SKAP1: variants seen among roughly 807,000 people sequenced by gnomAD.
The protein encoded by SKAP1 is src kinase-associated phosphoprotein 1.
Under a neutral mutation model 58.5 loss-of-function variants are expected in SKAP1, and 44 were observed. The observed-to-expected ratio is 0.75, with a 90% CI of 0.59 to 0.97. The LOEUF is 0.97. SKAP1 is among the 50% of genes least tolerant of loss of function. The probability of loss-of-function intolerance (pLI) is 0.00; values close to 1 mark genes in which losing one functional copy is unlikely to be tolerated. For missense variants in SKAP1, 390 were observed against 435.2 expected (o/e 0.90, Z 0.92); for synonymous variants, 127 against 149.7 (o/e 0.85, Z 1.11).
intron 1 of SKAP1, among the ~76,000 whole-genome samples, chr17:48,407,079 A>G (rs2067595649): frequency 6.6e-6 from 1 of 152,194 alleles, no homozygotes; most frequent in Non-Finnish European, 1.5e-5. Context: ...CTACACTTAA[A>G]CATTAAAAAC....
At chr17:48,139,212 C>T (rs1179316889) in intron 11 of SKAP1, among the ~76,000 whole-genome samples, 5 of 145,832 alleles carry the variant, frequency 3.4e-5, no homozygotes, top group Non-Finnish European at 3.0e-5. Context: ...GATGGAGTCT[C>T]GCTCTTTTGC....
intron 1 of SKAP1, among the ~76,000 whole-genome samples, chr17:48,403,686 T>A (rs898533460): frequency 1.3e-5 from 2 of 152,166 alleles, no homozygotes; most frequent in Admixed American, 1.3e-4. Context: ...CCAAGCATAG[T>A]CAAGATGTTG....
intron 3 of SKAP1, 45 bp from the exon 4 acceptor site, chr17:48,346,051 C>A: frequency 8.2e-7 from 1 of 1,214,522 alleles, no homozygotes; most frequent in Non-Finnish European, 1.2e-6. Context: ...CTTTGGGCAT[C>A]CTTATAAAAG....
At chr17:48,239,848 GAC>G (rs1491374135) in intron 4 of SKAP1, among the ~76,000 whole-genome samples, 175 of 115,956 alleles carry the variant, frequency 1.5e-3, no homozygotes, top group South Asian at 4.9e-3. Flanking sequence ...GAGAGAGAGA[GAC>G]AGAGAGAGAG....
At chr17:48,356,947 T>G (rs2066883038) in intron 3 of SKAP1, among the ~76,000 whole-genome samples, 1 of 152,190 alleles carries the variant, frequency 6.6e-6, no homozygotes, top group African/African-American at 2.4e-5. Context: ...ATTACCCTTT[T>G]CATCTAACAA....
chr17:48,413,058 C>CAA (rs34391254), intron 1 of SKAP1, among the ~76,000 whole-genome samples: 77 of 142,212 alleles, frequency 5.4e-4, no homozygotes, highest in Admixed American at 1.1e-3. Context: ...AGCATATAAC[C>CAA]AAAAAAAAAA....
At position 48,286,968 on chromosome 17, in the gene SKAP1, C is replaced by T. The variant is rs113254294; in HGVS notation, c.280+58937G>A. ...AAAATTGGCGGGGCTTGCTGGCGCA[C>T]GCCTGTAATCCCAGCTACTCGGGAG... On this transcript the variant is annotated intron_variant, in intron 4 of 12. Coordinates refer to ENST00000336915, the MANE Select transcript of SKAP1 (RefSeq NM_003726.4). 4.1e-3 allele frequency among the ~76,000 whole-genome samples: 622 copies of T among 152,158 alleles called. 8 individuals are homozygous for T. The highest frequency in any genetic ancestry group is 0.014 in the African/African-American group (596 of 41,516).
rs539949864 is a variant in SKAP1 at position 48,238,933 on chromosome 17, C to T, written c.281-49433G>A. 4.6e-5 allele frequency among the ~76,000 whole-genome samples: 7 copies of T among 152,226 alleles called. No individual in the cohort carries two copies. The East Asian group carries it at 1.3e-3, about 29-fold the overall frequency. ...ATGGTTATAAAGTACTTTTTGAGATCTTCAAATGAAAGATGCCCAGAAAAA... is the reference window on the plus strand; with the variant it reads ...ATGGTTATAAAGTACTTTTTGAGATTTTCAAATGAAAGATGCCCAGAAAAA... On this transcript the variant is annotated intron_variant, in intron 4 of 12. Transcript: ENST00000336915.
At chr17:48,213,435 T>C (rs1431364563) in intron 4 of SKAP1, among the ~76,000 whole-genome samples, 1 of 151,874 alleles carries the variant, frequency 6.6e-6, no homozygotes, top group Non-Finnish European at 1.5e-5. Flanking sequence ...AGTACCTCTA[T>C]GCAAAGAGGA....
At chr17:48,329,875 A>G (rs549917201) in intron 4 of SKAP1, among the ~76,000 whole-genome samples, 1 of 152,290 alleles carries the variant, frequency 6.6e-6, no homozygotes, top group East Asian at 1.9e-4. Flanking sequence ...TGATACTCGA[A>G]TTTCTTCATC....
chr17:48,332,768 TA>T (rs1447889415), intron 4 of SKAP1, among the ~76,000 whole-genome samples: 7 of 152,176 alleles, frequency 4.6e-5, no homozygotes, highest in African/African-American at 1.4e-4. Flanking sequence ...TTTAGGGTTT[TA>T]AAAAAATTCT....
chr17:48,138,884 T>G (rs2063734998), intron 11 of SKAP1, among the ~76,000 whole-genome samples: 1 of 142,808 alleles, frequency 7.0e-6, no homozygotes, highest in Non-Finnish European at 1.5e-5. Flanking sequence ...AAAATTAGAA[T>G]GAAAAAAAAA....
At chr17:48,369,444 TTGCACCAC>T (rs2067056117) in intron 2 of SKAP1, among the ~76,000 whole-genome samples, 1 of 150,216 alleles carries the variant, frequency 6.7e-6, no homozygotes, top group East Asian at 2.0e-4. Context: ...TGAGCCATGA[TTGCACCAC>T]TGCACTCCAG....
intron 4 of SKAP1, chr17:48,295,652 G>T (rs2065959381): frequency 6.8e-6 from 1 of 147,494 alleles, no homozygotes. Context: ...CGCTGTTTAT[G>T]GGTAAACATT....
intron 4 of SKAP1, among the ~76,000 whole-genome samples, chr17:48,252,805 G>A (rs2065380746): frequency 6.6e-6 from 1 of 151,740 alleles, no homozygotes; most frequent in Non-Finnish European, 1.5e-5. Context: ...CAGCCAATAT[G>A]AGGGAGGAAC....
chr17:48,420,452 T>TCC (rs1234991296), intron 1 of SKAP1, among the ~76,000 whole-genome samples: 2 of 152,156 alleles, frequency 1.3e-5, no homozygotes, highest in African/African-American at 4.8e-5. Context: ...AACTGCCTTT[T>TCC]CATGTGGCAG....
intron 4 of SKAP1, among the ~76,000 whole-genome samples, chr17:48,266,667 C>T (rs369810426): frequency 1.3e-4 from 19 of 151,862 alleles, no homozygotes; most frequent in South Asian, 2.1e-4. Context: ...CCTGCCACAA[C>T]GCCCGGCTAA....
intron 4 of SKAP1, among the ~76,000 whole-genome samples, chr17:48,273,117 T>C (rs909723317): frequency 3.9e-5 from 6 of 152,184 alleles, no homozygotes; most frequent in Non-Finnish European, 7.3e-5. Context: ...CTACTGGATT[T>C]AGAACCATTT....
At chr17:48,176,783 T>C (rs903862344) in intron 9 of SKAP1, among the ~76,000 whole-genome samples, 3 of 152,218 alleles carry the variant, frequency 2.0e-5, no homozygotes, top group Non-Finnish European at 4.4e-5. Flanking sequence ...TGATGACCCA[T>C]GCGTTATTTT....
Sources: gnomAD v4.1 joint callset for allele counts (sites outside exome capture counted in the v4.1 genomes callset) on GRCh38, gnomAD v4.1.1 for gene constraint, MANE v1.5 for transcripts, NCBI Gene and HGNC (gene_info 2026-07-23, HGNC 2026-07-21) for gene names.